AKAP19: variants seen among roughly 807,000 people sequenced by gnomAD.
AKAP19 encodes small A-kinase anchoring protein.
chr2:190,018,417 C>T, the AKAP19 span, among the ~76,000 whole-genome samples: 3 of 151,816 alleles, frequency 2.0e-5, no homozygotes, highest in Admixed American at 1.3e-4. Context: ...CTTTATTGAG[C>T]CTACTGTTGG....
chr2:189,987,900 C>T, the AKAP19 span, among the ~76,000 whole-genome samples: 4 of 152,062 alleles, frequency 2.6e-5, no homozygotes, highest in Non-Finnish European at 5.9e-5. Context: ...AAGAGTAATA[C>T]ATGCAGAGCT....
At chr2:190,084,362 G>A in the AKAP19 span, among the ~76,000 whole-genome samples, 1 of 152,052 alleles carries the variant, frequency 6.6e-6, no homozygotes, top group Non-Finnish European at 1.5e-5. Flanking sequence ...CAAAGTGCTG[G>A]GATTACAGGC....
the AKAP19 span, among the ~76,000 whole-genome samples, chr2:189,944,408 A>C: frequency 6.6e-6 from 1 of 152,186 alleles, no homozygotes; most frequent in Non-Finnish European, 1.5e-5. Context: ...CTAGAAGCTG[A>C]ACGGATGTCA....
the AKAP19 span, among the ~76,000 whole-genome samples, chr2:189,939,021 A>G: frequency 1.3e-5 from 2 of 152,112 alleles, no homozygotes; most frequent in Admixed American, 1.3e-4. Context: ...CAGCTTCCCC[A>G]CCGTCTTGGG....
chr2:189,995,592 G>T, the AKAP19 span, among the ~76,000 whole-genome samples: 1 of 151,928 alleles, frequency 6.6e-6, no homozygotes, highest in Non-Finnish European at 1.5e-5. Context: ...ATTTTAAGTG[G>T]AACTTTTAGG....
chr2:190,083,363 T>C, the AKAP19 span, among the ~76,000 whole-genome samples: 3 of 140,900 alleles, frequency 2.1e-5, no homozygotes, highest in South Asian at 6.6e-4. Flanking sequence ...ACAGAGATCC[T>C]GTCTCAAAAT....
chr2:190,028,302 A>C, the AKAP19 span, among the ~76,000 whole-genome samples: 2 of 152,152 alleles, frequency 1.3e-5, no homozygotes, highest in African/African-American at 4.8e-5. Flanking sequence ...GATTATTTGA[A>C]TCACAAAGAA....
At chr2:190,194,207 T>C in the AKAP19 span, among the ~76,000 whole-genome samples, 2 of 152,172 alleles carry the variant, frequency 1.3e-5, no homozygotes, top group African/African-American at 4.8e-5. Context: ...TTGATAAGAA[T>C]ATGTAATAGT....
the AKAP19 span, among the ~76,000 whole-genome samples, chr2:190,136,346 C>T: frequency 1.3e-3 from 193 of 152,292 alleles, no homozygotes; most frequent in Admixed American, 3.6e-3. Context: ...AGGTGACTGC[C>T]TGGCACTAGC....
At chr2:190,182,282 C>T in the AKAP19 span, among the ~76,000 whole-genome samples, 1 of 152,182 alleles carries the variant, frequency 6.6e-6, no homozygotes, top group South Asian at 2.1e-4. Context: ...GCCAATAGCG[C>T]TCCAACTGTG....
the AKAP19 span, among the ~76,000 whole-genome samples, chr2:190,120,308 A>C: frequency 4.1e-3 from 631 of 152,258 alleles, no homozygotes; most frequent in African/African-American, 0.015. Flanking sequence ...CACTGCCCTA[A>C]TTTTTTATGG....
At chr2:189,916,360 C>T in the AKAP19 span, among the ~76,000 whole-genome samples, 4 of 140,352 alleles carry the variant, frequency 2.8e-5, no homozygotes, top group East Asian at 2.1e-4. Context: ...ACAGAGCTGT[C>T]GCCCAGGCTG....
At chr2:190,118,929 TC>T in the AKAP19 span, among the ~76,000 whole-genome samples, 8 of 152,162 alleles carry the variant, frequency 5.3e-5, no homozygotes, top group African/African-American at 1.9e-4. Flanking sequence ...AGTCAAATTG[TC>T]CCTGTTTGCA....
chr2:189,963,594 A>G, the AKAP19 span, among the ~76,000 whole-genome samples: 1 of 152,276 alleles, frequency 6.6e-6, no homozygotes, highest in African/African-American at 2.4e-5. Context: ...AAAGTCAGCC[A>G]TGAGGGTTGG....
At chr2:190,018,948 A>G in the AKAP19 span, among the ~76,000 whole-genome samples, 1 of 152,160 alleles carries the variant, frequency 6.6e-6, no homozygotes, top group Admixed American at 6.6e-5. Context: ...GCAATCGGGC[A>G]GAGCTGATGG....
At chr2:190,033,219 T>A in the AKAP19 span, among the ~76,000 whole-genome samples, 5 of 152,322 alleles carry the variant, frequency 3.3e-5, no homozygotes, top group South Asian at 2.1e-4. Flanking sequence ...AATAATTTTT[T>A]AAATTATATA....
chr2:190,048,962 T>C, the AKAP19 span, among the ~76,000 whole-genome samples: 1 of 152,090 alleles, frequency 6.6e-6, no homozygotes, highest in African/African-American at 2.4e-5. Flanking sequence ...TAAAATAAAA[T>C]ATAAGATGCA....
chr2:190,149,420 G>A, the AKAP19 span, among the ~76,000 whole-genome samples: 1 of 152,074 alleles, frequency 6.6e-6, no homozygotes, highest in Admixed American at 6.6e-5. Context: ...CTTAGAATGT[G>A]AGTTTGTGCT....
At chr2:190,192,067 T>C in the AKAP19 span, among the ~76,000 whole-genome samples, 1 of 152,210 alleles carries the variant, frequency 6.6e-6, no homozygotes, top group East Asian at 1.9e-4. Flanking sequence ...TTTTGTCTTC[T>C]TGTTTTATAG....
Sources: gnomAD v4.1 joint callset for allele counts (sites outside exome capture counted in the v4.1 genomes callset) on GRCh38, gnomAD v4.1.1 for gene constraint, MANE v1.5 for transcripts, NCBI Gene and HGNC (gene_info 2026-07-23, HGNC 2026-07-21) for gene names.